Variants in NBEA observed in about 807,000 individuals in gnomAD.
NBEA encodes neurobeachin.
Under a neutral mutation model 343.4 loss-of-function variants are expected in NBEA, and 44 were observed. The observed-to-expected ratio is 0.13, with a 90% CI of 0.10 to 0.16. The LOEUF is 0.16. Among genes scored for constraint, NBEA ranks in the 10% least tolerant of loss-of-function variants. NBEA has a pLI of 1.00. For missense variants in NBEA, 2,555 were observed against 3,631.3 expected (o/e 0.70, Z 7.62); for synonymous variants, 1,175 against 1,238.7 (o/e 0.95, Z 1.08).
chr13:34,976,941 T>C (rs1261465689), intron 1 of NBEA, among the ~76,000 whole-genome samples: 3 of 68,568 alleles, frequency 4.4e-5, no homozygotes, highest in Non-Finnish European at 8.4e-5. Context: ...TTTCTCTCTA[T>C]TTTTTTTTTT....
intron 33 of NBEA, among the ~76,000 whole-genome samples, chr13:35,218,946 A>C (rs1234619322): frequency 6.6e-6 from 1 of 152,044 alleles, no homozygotes; most frequent in Non-Finnish European, 1.5e-5. Context: ...TCACAAGCAA[A>C]GACACCTAAT....
chr13:35,529,249 A>G (rs2078136559), intron 41 of NBEA, among the ~76,000 whole-genome samples: 1 of 152,210 alleles, frequency 6.6e-6, no homozygotes, highest in South Asian at 2.1e-4. Flanking sequence ...TATTTTCAGT[A>G]GTGACATTTT....
chr13:34,984,976 A>T (rs962592388), intron 1 of NBEA, among the ~76,000 whole-genome samples: 1 of 151,052 alleles, frequency 6.6e-6, no homozygotes, highest in African/African-American at 2.4e-5. Context: ...CAATCATGTC[A>T]TCTGCAAACA....
intron 31 of NBEA, among the ~76,000 whole-genome samples, chr13:35,197,812 T>C (rs772690267): frequency 2.6e-5 from 4 of 152,212 alleles, no homozygotes; most frequent in Non-Finnish European, 5.9e-5. Context: ...ATTACCCTTT[T>C]AATACACAAT....
At chr13:35,070,199 AT>A in intron 9 of NBEA, 94 bp downstream of exon 9, 3 of 1,249,784 alleles carry the variant, frequency 2.4e-6, no homozygotes, top group Non-Finnish European at 2.1e-6. Context: ...TAAATCTATG[AT>A]TTTTTTGCTT....
chr13:34,988,595 G>A (rs1043969951), intron 1 of NBEA, among the ~76,000 whole-genome samples: 4 of 151,140 alleles, frequency 2.6e-5, no homozygotes, highest in Middle Eastern at 3.4e-3. Context: ...CGTGGGATCC[G>A]CCGAGCCAGA....
chr13:35,122,483 T>C (rs1325650067), intron 16 of NBEA, among the ~76,000 whole-genome samples: 10 of 144,198 alleles, frequency 6.9e-5, no homozygotes, highest in African/African-American at 1.5e-4. Context: ...AAAAACCAAA[T>C]ACCACATGTT....
chr13:35,515,582 A>C (rs1462450623), intron 41 of NBEA, among the ~76,000 whole-genome samples: 1 of 152,228 alleles, frequency 6.6e-6, no homozygotes, highest in Non-Finnish European at 1.5e-5. Context: ...TTGCCAAAAA[A>C]TTGCTATTTT....
intron 39 of NBEA, among the ~76,000 whole-genome samples, chr13:35,436,160 T>TA (rs1023835677): frequency 1.1e-4 from 16 of 151,136 alleles, no homozygotes; most frequent in South Asian, 4.2e-4. Context: ...ATGTAAAAGT[T>TA]AAAAAAAAAT....
intron 47 of NBEA, among the ~76,000 whole-genome samples, chr13:35,596,359 T>C (rs1432447021): frequency 6.6e-6 from 1 of 152,160 alleles, no homozygotes; most frequent in Non-Finnish European, 1.5e-5. Flanking sequence ...ATTTCTAAGC[T>C]GTTAAAGCAC....
intron 1 of NBEA, among the ~76,000 whole-genome samples, chr13:34,997,989 G>C (rs559049780): frequency 6.6e-6 from 1 of 152,148 alleles, no homozygotes; most frequent in Non-Finnish European, 1.5e-5. Context: ...CTTGTTAAAG[G>C]CATGTAACTA....
intron 41 of NBEA, among the ~76,000 whole-genome samples, chr13:35,536,826 C>A (rs969438018): frequency 6.6e-6 from 1 of 152,164 alleles, no homozygotes; most frequent in African/African-American, 2.4e-5. Context: ...GTGGCTCCAA[C>A]ACTTCAAAAA....
chr13:35,481,528 T>C (rs2076120903), intron 41 of NBEA, among the ~76,000 whole-genome samples: 1 of 151,898 alleles, frequency 6.6e-6, no homozygotes, highest in Non-Finnish European at 1.5e-5. Context: ...TTGTGATCTC[T>C]AACCTTTTCC....
At chr13:34,983,276 T>C (rs1172398279) in intron 1 of NBEA, among the ~76,000 whole-genome samples, 1 of 152,162 alleles carries the variant, frequency 6.6e-6, no homozygotes, top group Non-Finnish European at 1.5e-5. Context: ...ATGCGGTGTT[T>C]GGTTTTCTGT....
At chr13:34,987,530 A>C (rs543723066) in intron 1 of NBEA, among the ~76,000 whole-genome samples, 1 of 150,804 alleles carries the variant, frequency 6.6e-6, no homozygotes, top group Non-Finnish European at 1.5e-5. Context: ...CCTGAATTTG[A>C]ATGTTGGCCT....
intron 1 of NBEA, among the ~76,000 whole-genome samples, chr13:34,998,313 C>G (rs1053410779): frequency 6.6e-6 from 1 of 152,144 alleles, no homozygotes; most frequent in Non-Finnish European, 1.5e-5. Context: ...GACCACAGGA[C>G]TGGGGCAAAA....
rs531613846 is a variant in NBEA, at chr13:35,124,773, CAT to C, written c.2336+1204_2336+1205del. The stretch of plus-strand genomic sequence containing the variant: ...ACATATGTATGGATATATATACACA[CAT>C]ATATGGATATATACACACATATATG... On this transcript the variant is annotated intron_variant, in intron 17 of 58. Transcript: ENST00000379939. Among the ~76,000 whole-genome samples, 28 of 149,340 alleles carry C rather than the reference CAT, an allele frequency of 1.9e-4. No homozygotes were observed. The South Asian group carries it at 1.9e-3, about 10-fold the overall frequency.
intron 13 of NBEA, among the ~76,000 whole-genome samples, chr13:35,114,021 G>C (rs2066369479): frequency 6.6e-6 from 1 of 152,108 alleles, no homozygotes; most frequent in South Asian, 2.1e-4. Context: ...TTTCTGACTT[G>C]TCCTACACTT....
At chr13:34,962,908 C>T (rs536397155) in intron 1 of NBEA, among the ~76,000 whole-genome samples, 1 of 152,158 alleles carries the variant, frequency 6.6e-6, no homozygotes, top group Non-Finnish European at 1.5e-5. Context: ...ATATTTTAAA[C>T]AGGACTCTGA....
Sources: allele counts gnomAD v4.1 joint callset (sites outside exome capture counted in the v4.1 genomes callset), GRCh38; gene constraint gnomAD v4.1.1; transcripts MANE v1.5; gene names NCBI Gene and HGNC (gene_info 2026-07-23, HGNC 2026-07-21).